Variants in APP observed in about 807,000 individuals in gnomAD.
APP encodes the protein amyloid-beta precursor protein.
A neutral mutation model predicts 101.4 loss-of-function variants in APP; 31 were observed. That is an observed-to-expected ratio of 0.31 (90% CI 0.23 to 0.41). The LOEUF is 0.41. Ranked by LOEUF, APP falls within the 10% of genes least tolerant of loss-of-function variation. The pLI is 1.00. For missense variants in APP, 839 were observed against 1,003.7 expected, an observed-to-expected ratio of 0.84 and a Z score of 2.22; for synonymous variants, 366 against 364.4, an observed-to-expected ratio of 1.00 and a Z score of -0.05.
rs1301768106 is a variant in APP, at chr21:25,917,297, T to C, written c.1688-5335A>G. The stretch of plus-strand genomic sequence containing the variant: ...AAAAAAAAAATGCTTTGAGGATGTA[T>C]ACGAGGCATACTTAGAGTAACAGAG... On this transcript the variant is annotated intron_variant, in intron 13 of 17. Coordinates refer to ENST00000346798, the MANE Select transcript of APP (RefSeq NM_000484.4). 1.3e-5 allele frequency among the ~76,000 whole-genome samples: 2 copies of C among 149,934 alleles called. 1 individual carries two copies. Among genetic ancestry groups the C allele is most frequent in the East Asian group, 3.9e-4 (2 of 5,136 alleles).
intron 3 of APP, among the ~76,000 whole-genome samples, chr21:26,056,728 G>A (rs2046057580): frequency 6.6e-6 from 1 of 152,142 alleles, no homozygotes; most frequent in Non-Finnish European, 1.5e-5. Context: ...CCCTCAAAAT[G>A]AGAATGGTTT....
At chr21:25,933,747 A>C (rs961705774) in intron 13 of APP, 2 of 152,220 alleles carry the variant, frequency 1.3e-5, no homozygotes, top group African/African-American at 4.8e-5. Flanking sequence ...GCCTCAAGCA[A>C]ATGCAAAGCA....
chr21:26,046,768 C>T (rs1468563640), intron 5 of APP, among the ~76,000 whole-genome samples: 1 of 152,136 alleles, frequency 6.6e-6, no homozygotes, highest in Admixed American at 6.5e-5. Flanking sequence ...TCAGCAACCC[C>T]CATGGACCAC....
chr21:26,095,630 C>A (rs1309286278), intron 2 of APP, among the ~76,000 whole-genome samples: 2 of 152,098 alleles, frequency 1.3e-5, no homozygotes, highest in African/African-American at 4.8e-5. Context: ...AGGTTTCGGG[C>A]ATTCACTGGG....
intron 3 of APP, among the ~76,000 whole-genome samples, chr21:26,059,885 C>T (rs766930043): frequency 4.4e-5 from 4 of 91,356 alleles, no homozygotes; most frequent in Non-Finnish European, 5.6e-5. Flanking sequence ...AGCGAGACTC[C>T]GTCTCAAAAA....
At chr21:26,142,781 A>T (rs1392420343) in intron 1 of APP, among the ~76,000 whole-genome samples, 2 of 150,594 alleles carry the variant, frequency 1.3e-5, no homozygotes, top group Admixed American at 1.3e-4. Context: ...AAAAAAAGTA[A>T]AGAAAAAGTG....
intron 3 of APP, among the ~76,000 whole-genome samples, chr21:26,085,153 G>T (rs371454001): frequency 1.3e-5 from 2 of 152,132 alleles, no homozygotes; most frequent in African/African-American, 4.8e-5. Flanking sequence ...TAGTATGCTG[G>T]TTCTGAAGCA....
intron 14 of APP, among the ~76,000 whole-genome samples, chr21:25,910,419 G>A (rs922749607): frequency 6.6e-6 from 1 of 152,148 alleles, no homozygotes; most frequent in African/African-American, 2.4e-5. Context: ...CGTGACCCAC[G>A]ATGCCTGGCC....
At chr21:26,020,168 A>G (rs889192486) in intron 6 of APP, among the ~76,000 whole-genome samples, 1 of 152,252 alleles carries the variant, frequency 6.6e-6, no homozygotes, top group African/African-American at 2.4e-5. Flanking sequence ...GTTAAGTGAA[A>G]GAAGTCGGAC....
intron 11 of APP, among the ~76,000 whole-genome samples, chr21:25,966,067 ACTT>A (rs952405756): frequency 5.5e-4 from 84 of 152,132 alleles, no homozygotes; most frequent in African/African-American, 2.0e-3. Context: ...TTCCCAACAT[ACTT>A]CTTAATGTTC....
intron 5 of APP, among the ~76,000 whole-genome samples, chr21:26,033,502 G>C (rs1216076934): frequency 1.3e-5 from 2 of 152,190 alleles, no homozygotes; most frequent in African/African-American, 4.8e-5. Flanking sequence ...CTCATACAAA[G>C]AGTGCTACAG....
At chr21:26,155,516 C>T (rs2063357958) in intron 1 of APP, among the ~76,000 whole-genome samples, 1 of 152,052 alleles carries the variant, frequency 6.6e-6, no homozygotes, top group Non-Finnish European at 1.5e-5. Context: ...TAAAGTCAGT[C>T]CTGGGCATGC....
chr21:26,024,308 G>C (rs1429542541), intron 5 of APP, among the ~76,000 whole-genome samples: 1 of 150,082 alleles, frequency 6.7e-6, no homozygotes, highest in Non-Finnish European at 1.5e-5. Flanking sequence ...AATGTACCCA[G>C]AAGGAAAAAA....
intron 1 of APP, among the ~76,000 whole-genome samples, chr21:26,114,831 G>A (rs1286393297): frequency 1.3e-5 from 2 of 151,968 alleles, no homozygotes; most frequent in African/African-American, 4.8e-5. Context: ...TCAAAAAGTG[G>A]TAATTTTTTA....
chr21:25,931,078 G>T (rs1328015793), intron 13 of APP, among the ~76,000 whole-genome samples: 2 of 152,186 alleles, frequency 1.3e-5, no homozygotes, highest in Non-Finnish European at 1.5e-5. Context: ...TTTTCCAGGG[G>T]AGTGCTAGAA....
Position 26,136,193 on chromosome 21 carries a change from G to GA in APP, c.58-24048dup, listed in dbSNP as rs1555882211. 1.7e-4 allele frequency among the ~76,000 whole-genome samples: 16 copies of GA among 92,052 alleles called. 1 individual carries two copies. Among genetic ancestry groups the GA allele is most frequent in the African/African-American group, 1.2e-3 (15 of 12,512 alleles). The allele number at this position is 92,052 out of a possible 152,430, so 60.4% of individuals were successfully genotyped here. A position where few individuals can be genotyped will look rare whatever the true frequency, so the allele number is the denominator to read the frequency against. The stretch of plus-strand genomic sequence containing the variant: ...GAAAAGAAAGAAAGAAAGAAAGAAA[G>GA]AAAGAAAGAAAAGAAAAGAAAGAAA... On this transcript the variant is annotated intron_variant, in intron 1 of 17. Coordinates refer to ENST00000346798, the MANE Select transcript of APP (RefSeq NM_000484.4).
At chr21:26,120,017 C>T (rs2062529724) in intron 1 of APP, among the ~76,000 whole-genome samples, 1 of 152,146 alleles carries the variant, frequency 6.6e-6, no homozygotes, top group Admixed American at 6.5e-5. Flanking sequence ...AGATATTCTA[C>T]ATATATTCAA....
chr21:26,058,956 C>T (rs1159535985), intron 3 of APP, among the ~76,000 whole-genome samples: 1 of 151,744 alleles, frequency 6.6e-6, no homozygotes, highest in Non-Finnish European at 1.5e-5. Flanking sequence ...TAGCGGGCGC[C>T]TGTAGTCCCA....
intron 6 of APP, among the ~76,000 whole-genome samples, chr21:26,004,956 T>C (rs959517339): frequency 5.3e-5 from 8 of 152,208 alleles, no homozygotes; most frequent in East Asian, 1.9e-4. Flanking sequence ...TCCAGCTTCA[T>C]CCATGTCCCT....
Sources: gnomAD v4.1 joint callset for allele counts (sites outside exome capture counted in the v4.1 genomes callset) on GRCh38, gnomAD v4.1.1 for gene constraint, MANE v1.5 for transcripts, NCBI Gene and HGNC (gene_info 2026-07-23, HGNC 2026-07-21) for gene names.